ANKEF1: variants seen among roughly 807,000 people sequenced by gnomAD.
The protein encoded by ANKEF1 is ankyrin repeat and EF-hand domain containing 1.
A neutral mutation model predicts 65.1 loss-of-function variants in ANKEF1; 43 were observed. That is an observed-to-expected ratio of 0.66 (90% CI 0.52 to 0.85). The LOEUF is 0.85. Among genes scored for constraint, ANKEF1 ranks in the 40% least tolerant of loss-of-function variants. ANKEF1 has a pLI of 0.00. For synonymous variants in ANKEF1, 316 were observed against 341.5 expected (o/e 0.93, Z 0.82); for missense variants, 934 against 952.9 (o/e 0.98, Z 0.26).
Position 10,049,641 on chromosome 20 carries a change from G to A in ANKEF1, c.1072G>A (p.Asp358Asn), listed in dbSNP as rs778135080. Residue 358 changes from aspartate (D) to asparagine (N), a missense_variant, in exon 7 of 11, where the codon GAC (aspartate) becomes AAC (asparagine). By Grantham distance (23) the Asp-to-Asn change is conservative. Coordinates refer to ENST00000378392, the MANE Select transcript of ANKEF1 (RefSeq NM_022096.6). ...DRGDGSISKN[D>N]FVMVLEERQD... The stretch of plus-strand genomic sequence containing the variant: ...GGGTGATGGAAGCATCAGCAAGAAC[G>A]ACTTCGTGATGGTGTTGGAGGAAAG... The A allele has an allele frequency of 1.2e-5, 19 of 1,613,994 alleles. No homozygotes were observed. The highest frequency in any genetic ancestry group is 9.3e-5 in the African/African-American group (7 of 74,878).
rs150919088 is a variant in ANKEF1 at position 10,043,928 on chromosome 20, G to A, written c.547-466G>A. Among the ~76,000 whole-genome samples the A allele has an allele frequency of 1.2e-4, 18 of 152,060 alleles. 1 individual carries two copies. The highest frequency in any genetic ancestry group is 3.9e-4 in the African/African-American group (16 of 41,500). On this transcript the variant is annotated intron_variant, in intron 4 of 10. Coordinates refer to ENST00000378392, the MANE Select transcript of ANKEF1 (RefSeq NM_022096.6). Reference sequence around the variant, plus strand: ...TCTGCCCACCTCTGCCTTCCAAAGCGCTGGGATTACAGGCATGCCCAGCCT... The same window carrying A: ...TCTGCCCACCTCTGCCTTCCAAAGCACTGGGATTACAGGCATGCCCAGCCT...
rs199904210 is a variant in ANKEF1, at chr20:10,054,611, G to A, written c.2172+12G>A. The A allele has an allele frequency of 9.4e-5, 151 of 1,602,454 alleles. No individual in the cohort carries two copies. The African/African-American group carries it at 1.7e-3, about 18-fold the overall frequency. ...TTATTCCACGGAGGGTAAGTGCTTC[G>A]AAAAGATCTTCATAGCATGGTAGAA... On this transcript the variant is annotated intron_variant, in intron 10 of 10. Transcript: ENST00000378392.
rs1184782102 is a variant in ANKEF1 at position 10,056,405 on chromosome 20, C to T, written c.*745C>T. On this transcript the variant is annotated 3_prime_UTR_variant, in exon 11 of 11. Coordinates refer to ENST00000378392, the MANE Select transcript of ANKEF1 (RefSeq NM_022096.6). ...AGCAAAAACCGCAATTACTTTTGCT[C>T]CAACCTGACAGCTAGGTATCTAGCT... The T allele has an allele frequency of 1.3e-5, 2 of 150,758 alleles. No homozygotes were observed. Among genetic ancestry groups the T allele is most frequent in the Non-Finnish European group, 3.0e-5 (2 of 67,736 alleles). 9.3% of individuals were successfully genotyped at this position (150,758 alleles called of 1,614,324 possible).
intron 9 of ANKEF1, among the ~76,000 whole-genome samples, chr20:10,054,045 TG>T (rs1985012724): frequency 6.6e-6 from 1 of 152,078 alleles, no homozygotes; most frequent in African/African-American, 2.4e-5. Context: ...AAAGTTTTAG[TG>T]TCATCAAATT....
intron 3 of ANKEF1, among the ~76,000 whole-genome samples, chr20:10,042,712 C>T (rs1984263330): frequency 6.6e-6 from 1 of 152,226 alleles, no homozygotes; most frequent in South Asian, 2.1e-4. Flanking sequence ...CACATTTCAT[C>T]ACCCAGTACC....
Position 10,043,293 on chromosome 20 carries a change from AAGG to A in ANKEF1, c.521_523del (p.Gly174del), listed in dbSNP as rs1446173720. The A allele has an allele frequency of 3.7e-6, 6 of 1,613,990 alleles. No individual in the cohort carries two copies. The African/African-American group carries it at 8.0e-5, about 22-fold the overall frequency. ...GATGTGTGCCTGACATTTTTGGAAA[AAGG>A]AGCCAATCCTAATGCAATCAACTCA... On this transcript the variant is annotated inframe_deletion, in exon 4 of 11. Transcript: ENST00000378392.
chr20:10,053,202 C>G lies in ANKEF1; in HGVS notation c.1961C>G (p.Ala654Gly). The change falls in exon 9 of 11, where the codon GCA (alanine) becomes GGA (glycine). Residue 654 changes from alanine (A) to glycine (G), a missense_variant. By Grantham distance (60) the Ala-to-Gly change is moderately conservative (BLOSUM62 0). Coordinates refer to ENST00000378392, the MANE Select transcript of ANKEF1 (RefSeq NM_022096.6). Reference protein sequence around the residue: ...KEKLDNLPKPAENQKLKGKTP... With the variant: ...KEKLDNLPKPGENQKLKGKTP... Reference sequence around the variant, plus strand: ...AAGCTAGATAACTTGCCGAAACCAGCAGAAAATCAAAAACTAAAAGGCAAG... The same window carrying G: ...AAGCTAGATAACTTGCCGAAACCAGGAGAAAATCAAAAACTAAAAGGCAAG... 6.2e-7 allele frequency: 1 copy of G among 1,613,474 alleles called. No homozygotes were observed. The highest frequency in any genetic ancestry group is 2.2e-5 in the East Asian group (1 of 44,834).
chr20:10,054,431 C>T, intron 9 of ANKEF1, 31 bp from the exon 10 acceptor site: 3 of 1,496,656 alleles, frequency 2.0e-6, no homozygotes, highest in Non-Finnish European at 1.8e-6. Flanking sequence ...TAGATTTTTA[C>T]AATTTATAAT....
intron 7 of ANKEF1, among the ~76,000 whole-genome samples, chr20:10,051,399 A>C (rs1220346141): frequency 2.0e-5 from 3 of 152,210 alleles, no homozygotes; most frequent in Non-Finnish European, 2.9e-5. Flanking sequence ...TTTTATCTTC[A>C]TTGGATCTGA....
rs929863921 is a variant in ANKEF1, at chr20:10,035,265, C to G, written c.-177C>G. ...GGACGAGAGCAGGGGCCTCCCCGGT[C>G]GCCCCAGCAGGCCCAGGCACATAGG... On this transcript the variant is annotated 5_prime_UTR_variant, in exon 1 of 11. Transcript: ENST00000378392. 9 of 152,370 alleles carry G rather than the reference C, an allele frequency of 5.9e-5. No individual in the cohort carries two copies. Among genetic ancestry groups the G allele is most frequent in the Admixed American group, 3.3e-4 (5 of 15,294 alleles). 9.4% of individuals were successfully genotyped at this position (152,370 alleles called of 1,614,324 possible).
chr20:10,043,708 GAGTGC>G (rs1488106551), intron 4 of ANKEF1, among the ~76,000 whole-genome samples: 3 of 135,026 alleles, frequency 2.2e-5, no homozygotes, highest in African/African-American at 8.3e-5. Context: ...GCCCAGGTTG[GAGTGC>G]AGTGGTCCAA....
At chr20:10,043,652 C>CTTTTTTTTTTTTTTTTTTTTTT (rs374135080) in intron 4 of ANKEF1, among the ~76,000 whole-genome samples, 1 of 81,372 alleles carries the variant, frequency 1.2e-5, no homozygotes, top group Non-Finnish European at 2.2e-5. Flanking sequence ...TTTTCTTTTC[C>CTTTTTTTTTTTTTTTTTTTTTT]TTTTTTTTTT....
At chr20:10,050,352 T>C in intron 7 of ANKEF1, 140 bp downstream of exon 7, 1 of 618,482 alleles carries the variant, frequency 1.6e-6, no homozygotes, top group Non-Finnish European at 2.7e-6. Flanking sequence ...TATAAAAGCC[T>C]TTTATTAACA....
intron 10 of ANKEF1, 87 bp from the exon 11 acceptor site, chr20:10,055,415 C>A: frequency 8.2e-7 from 1 of 1,213,984 alleles, no homozygotes; most frequent in Non-Finnish European, 1.2e-6. Flanking sequence ...TAAGTTAAAA[C>A]TGTGTATTGA....
chr20:10,056,872 T>C lies in ANKEF1; in HGVS notation c.*1212T>C, dbSNP rs1985204738. 1 of 152,206 alleles carries C rather than the reference T, an allele frequency of 6.6e-6. No homozygotes were observed. Among genetic ancestry groups the C allele is most frequent in the South Asian group, 2.1e-4 (1 of 4,828 alleles). 9.4% of individuals were successfully genotyped at this position (152,206 alleles called of 1,614,324 possible). A position where few individuals can be genotyped will look rare whatever the true frequency, so the allele number is the denominator to read the frequency against. Reference sequence around the variant, plus strand: ...CATAAAGTCAATGAATTGTAAATATTGGTTGCATGTACACAATTCCTTCAC... The same window carrying C: ...CATAAAGTCAATGAATTGTAAATATCGGTTGCATGTACACAATTCCTTCAC... On this transcript the variant is annotated 3_prime_UTR_variant, in exon 11 of 11. Coordinates refer to ENST00000378392, the MANE Select transcript of ANKEF1 (RefSeq NM_022096.6).
At chr20:10,044,607 T>C in intron 5 of ANKEF1, 64 bp downstream of exon 5, 1 of 1,582,232 alleles carries the variant, frequency 6.3e-7, no homozygotes, top group South Asian at 1.1e-5. Context: ...TTCTCAAATT[T>C]TTTTATATGT....
chr20:10,045,250 G>A (rs1984444581), intron 5 of ANKEF1, among the ~76,000 whole-genome samples: 1 of 152,098 alleles, frequency 6.6e-6, no homozygotes. Flanking sequence ...AAAAATGGTA[G>A]TGCCCCCTCT....
intron 8 of ANKEF1, 40 bp from the exon 9 acceptor site, chr20:10,053,072 T>C: frequency 6.5e-7 from 1 of 1,529,630 alleles, no homozygotes; most frequent in Non-Finnish European, 8.7e-7. Context: ...ATCATTAATA[T>C]GTTTATAGTC....
chr20:10,035,971 G>T (rs551171648), intron 2 of ANKEF1, among the ~76,000 whole-genome samples: 1 of 152,168 alleles, frequency 6.6e-6, no homozygotes, highest in South Asian at 2.1e-4. Context: ...GGTCATGCTG[G>T]GGAAAAGTAC....
Sources: gnomAD v4.1 joint callset for allele counts (sites outside exome capture counted in the v4.1 genomes callset) on GRCh38, gnomAD v4.1.1 for gene constraint, MANE v1.5 for transcripts, NCBI Gene and HGNC (gene_info 2026-07-23, HGNC 2026-07-21) for gene names.